The following CD96 variants were observed in gnomAD, a reference collection of about 807,000 sequenced individuals.
CD96 encodes the protein T-cell surface protein tactile.
A neutral mutation model predicts 71.3 loss-of-function variants in CD96; 70 were observed. The ratio of observed to expected loss-of-function variants is 0.98; its 90% CI spans 0.81 to 1.20. The LOEUF is 1.20. Among genes scored for constraint, CD96 ranks in the 50% most tolerant of loss-of-function variants. The pLI is 0.00. For synonymous variants in CD96, 248 were observed against 233.0 expected, an observed-to-expected ratio of 1.06 and a Z score of -0.59; for missense variants, 742 against 677.5, an observed-to-expected ratio of 1.10 and a Z score of -1.06.
At chr3:111,562,380 A>AT (rs1559721333) in intron 2 of CD96, among the ~76,000 whole-genome samples, 2 of 152,004 alleles carry the variant, frequency 1.3e-5, no homozygotes, top group African/African-American at 2.4e-5. Flanking sequence ...GACATTAAAA[A>AT]ATATATATAT....
chr3:111,571,821 T>C (rs942607778), intron 3 of CD96, among the ~76,000 whole-genome samples: 12 of 152,360 alleles, frequency 7.9e-5, no homozygotes, highest in Admixed American at 7.2e-4. Context: ...AGCCAGTCTA[T>C]TAAACCATCT....
chr3:111,585,290 G>C (rs750938817), intron 4 of CD96, 33 bp from the exon 5 acceptor site: 48 of 1,456,572 alleles, frequency 3.3e-5, no homozygotes, highest in Non-Finnish European at 4.6e-5. Context: ...GATGACATTT[G>C]GTGCCACTAA....
chr3:111,600,724 A>C lies in CD96; in HGVS notation c.899-2A>C, dbSNP rs1303570749. 1 of 1,605,652 alleles carries C rather than the reference A, an allele frequency of 6.2e-7. No homozygotes were observed. Among genetic ancestry groups the C allele is most frequent in the Non-Finnish European group, 8.5e-7 (1 of 1,172,330 alleles). On this transcript the variant is annotated splice_acceptor_variant, in intron 6 of 13. Transcript: ENST00000352690. LOFTEE classifies it high-confidence loss of function. ...TGAACCATGTTCGTATCTGTCTGGC[A>C]GGAATATATATTACTAATGAAGAGA...
intron 10 of CD96, among the ~76,000 whole-genome samples, chr3:111,636,931 C>T (rs1306147074): frequency 6.6e-6 from 1 of 152,104 alleles, no homozygotes; most frequent in Non-Finnish European, 1.5e-5. Context: ...AGAGGAACCC[C>T]TTCTAGTGTT....
In CD96 at chr3:111,616,454, G is replaced by T. The variant is rs574672132; in HGVS notation, c.1181-7300G>T. On this transcript the variant is annotated intron_variant, in intron 8 of 13. Coordinates refer to ENST00000352690, the MANE Select transcript of CD96 (RefSeq NM_005816.5). ...TGGTGGGACAGGAAGCTGAAAGGTG[G>T]TGGTGGGACAGGAAGAGAAGCTATC... 2.6e-5 allele frequency among the ~76,000 whole-genome samples: 4 copies of T among 152,144 alleles called. No individual in the cohort carries two copies. In the South Asian group the frequency reaches 8.4e-4, roughly 32 times the overall value.
intron 8 of CD96, among the ~76,000 whole-genome samples, chr3:111,619,655 C>G (rs1233871306): frequency 6.6e-6 from 1 of 152,174 alleles, no homozygotes; most frequent in East Asian, 1.9e-4. Flanking sequence ...ACAAAAGGTA[C>G]AAAGCAAGCT....
chr3:111,647,431 A>T (rs780206163), intron 12 of CD96, 112 bp from the exon 13 acceptor site: 12 of 968,174 alleles, frequency 1.2e-5, no homozygotes, highest in Non-Finnish European at 1.7e-5. Flanking sequence ...CCAGAGTATG[A>T]TCACAGCCAA....
intron 7 of CD96, among the ~76,000 whole-genome samples, chr3:111,604,862 A>G (rs1019248983): frequency 1.3e-5 from 2 of 152,024 alleles, no homozygotes; most frequent in Non-Finnish European, 2.9e-5. Context: ...AAAAGCAACC[A>G]TGGACAATAG....
At chr3:111,604,702 C>T (rs1194520670) in intron 7 of CD96, among the ~76,000 whole-genome samples, 1 of 152,136 alleles carries the variant, frequency 6.6e-6, no homozygotes, top group Non-Finnish European at 1.5e-5. Flanking sequence ...ATAAATGTTT[C>T]CCATTGTGGA....
intron 4 of CD96, among the ~76,000 whole-genome samples, chr3:111,580,686 C>G (rs981622270): frequency 1.3e-5 from 2 of 152,056 alleles, no homozygotes; most frequent in Admixed American, 6.5e-5. Context: ...CCCTCTGCAT[C>G]CTCCCCCTTC....
intron 10 of CD96, among the ~76,000 whole-genome samples, chr3:111,633,018 G>C (rs539704740): frequency 1.6e-4 from 24 of 152,308 alleles, no homozygotes; most frequent in African/African-American, 5.8e-4. Context: ...AAAAGGCCTA[G>C]CTTTGAGCCC....
rs116657679 is a variant in CD96, at chr3:111,603,895, A to G, written c.1088-2805A>G. ...CCTGTTTCATGACTTCCCTCAGTGC[A>G]GCTGGCCTCATACCCTTGACTGATC... is the stretch of plus-strand genomic sequence containing the variant. On this transcript the variant is annotated intron_variant, in intron 7 of 13. Coordinates refer to ENST00000352690, the MANE Select transcript of CD96 (RefSeq NM_005816.5). Among the ~76,000 whole-genome samples, 331 of 152,354 alleles carry G rather than the reference A, an allele frequency of 2.2e-3. 2 individuals carry two copies. The highest frequency in any genetic ancestry group is 7.7e-3 in the African/African-American group (320 of 41,582).
intron 12 of CD96, among the ~76,000 whole-genome samples, chr3:111,644,687 C>T (rs1171329563): frequency 1.3e-5 from 2 of 152,004 alleles, no homozygotes; most frequent in African/African-American, 2.4e-5. Context: ...ACAAACAACC[C>T]TATCAAAAAG....
chr3:111,665,480 A>G (rs1307300842), intron 14 of CD96: 4 of 152,148 alleles, frequency 2.6e-5, no homozygotes, highest in African/African-American at 7.2e-5. Context: ...GATTCATCCC[A>G]TAAGTTCGCT....
At chr3:111,617,384 C>T (rs1239038792) in intron 8 of CD96, among the ~76,000 whole-genome samples, 5 of 152,182 alleles carry the variant, frequency 3.3e-5, no homozygotes, top group Non-Finnish European at 2.9e-5. Context: ...TTGGATAGTG[C>T]TTTTTCCTGG....
At chr3:111,556,810 C>G (rs1315383854) in intron 2 of CD96, among the ~76,000 whole-genome samples, 2 of 151,914 alleles carry the variant, frequency 1.3e-5, no homozygotes, top group African/African-American at 2.4e-5. Flanking sequence ...AACTAGTTTA[C>G]AGTCCCACCA....
chr3:111,634,344 C>T (rs1038885780), intron 10 of CD96: 1 of 152,150 alleles, frequency 6.6e-6, no homozygotes, highest in Non-Finnish European at 1.5e-5. Flanking sequence ...GTGGAAGAAT[C>T]TGATGTTATG....
intron 3 of CD96, among the ~76,000 whole-genome samples, chr3:111,573,636 A>G (rs749070650): frequency 1.7e-4 from 26 of 152,338 alleles, no homozygotes; most frequent in Admixed American, 6.5e-4. Flanking sequence ...TCTCTTTAAA[A>G]TCATGAAGAG....
At chr3:111,563,032 C>T (rs1330669836) in intron 2 of CD96, among the ~76,000 whole-genome samples, 1 of 152,194 alleles carries the variant, frequency 6.6e-6, no homozygotes, top group Non-Finnish European at 1.5e-5. Context: ...TTGCTAAATC[C>T]TCTGGAGGGG....
Sources: allele counts gnomAD v4.1 joint callset (sites outside exome capture counted in the v4.1 genomes callset), GRCh38; gene constraint gnomAD v4.1.1; transcripts MANE v1.5; gene names NCBI Gene and HGNC (gene_info 2026-07-23, HGNC 2026-07-21).